Variants in XPNPEP3 observed in about 807,000 individuals in gnomAD.
XPNPEP3 encodes X-prolyl aminopeptidase 3.
In XPNPEP3, 41 loss-of-function variants were observed where a neutral mutation model predicts 60.0. The observed-to-expected ratio is 0.68, with a 90% CI of 0.53 to 0.89. The LOEUF (loss-of-function observed/expected upper bound fraction) is 0.89. XPNPEP3 is among the 40% of genes least tolerant of loss of function. The probability of loss-of-function intolerance (pLI) is 0.00; values close to 1 mark genes in which losing one functional copy is unlikely to be tolerated. For missense variants in XPNPEP3, 598 were observed against 638.9 expected (o/e 0.94, Z 0.69); for synonymous variants, 212 against 223.2 (o/e 0.95, Z 0.45).
chr22:40,930,698 T>C lies in XPNPEP3; in HGVS notation c.*4263T>C, dbSNP rs762467508. On this transcript the variant is annotated 3_prime_UTR_variant, in exon 10 of 10. Transcript: ENST00000357137. ...AATTCTCCTGCCTCAGCCTCCCTAG[T>C]AACTGGGATTACAGGCACCTGCCAC... 2.0e-5 allele frequency: 3 copies of C among 152,166 alleles called. No homozygotes were observed. Among genetic ancestry groups the C allele is most frequent in the Admixed American group, 6.6e-5 (1 of 15,256 alleles). The allele number at this position is 152,166 out of a possible 1,614,324, so 9.4% of individuals were successfully genotyped here.
At chr22:40,861,013 T>C in intron 1 of XPNPEP3, 1 of 1,511,818 alleles carries the variant, frequency 6.6e-7, no homozygotes, top group Non-Finnish European at 8.9e-7. Context: ...AATTTGTGAT[T>C]AACCAAAACA....
intron 4 of XPNPEP3, among the ~76,000 whole-genome samples, chr22:40,904,900 G>A (rs2058148725): frequency 6.6e-6 from 1 of 151,842 alleles, no homozygotes; most frequent in African/African-American, 2.4e-5. Context: ...GAGCAGCTGG[G>A]ATTACAGGTG....
chr22:40,905,530 A>G (rs1296503817), intron 4 of XPNPEP3, among the ~76,000 whole-genome samples: 1 of 152,184 alleles, frequency 6.6e-6, no homozygotes, highest in Non-Finnish European at 1.5e-5. Context: ...TGGAGGAGAG[A>G]CAGTAAGCAA....
chr22:40,884,631 G>T (rs1601500759), intron 3 of XPNPEP3, among the ~76,000 whole-genome samples: 1 of 151,558 alleles, frequency 6.6e-6, no homozygotes, highest in South Asian at 2.1e-4. Context: ...ACCGTGCCTG[G>T]CTAAAATCAT....
At position 40,926,275 on chromosome 22, in the gene XPNPEP3, A is replaced by G; in HGVS notation, c.1364A>G (p.Tyr455Cys). The G allele has an allele frequency of 6.2e-7, 1 of 1,614,132 alleles. No individual in the cohort carries two copies. Among genetic ancestry groups the G allele is most frequent in the Non-Finnish European group, 8.5e-7 (1 of 1,180,016 alleles). ...GMVITIEPGI[Y>C]IPEDDKDAPE... ...TCTTCTTTCTACTTCACAGGCATTT[A>G]TATTCCAGAGGATGACAAAGATGCC... Residue 455 changes from tyrosine (Y) to cysteine (C), a missense_variant, in exon 10 of 10, where the codon TAT becomes TGT. Physicochemically the swap from Tyr to Cys is radical, Grantham distance 194 (BLOSUM62 -2). Coordinates refer to ENST00000357137, the MANE Select transcript of XPNPEP3 (RefSeq NM_022098.4).
In XPNPEP3 at chr22:40,882,068, A is replaced by C. The variant is rs2058050345; in HGVS notation, c.480A>C (p.Arg160=). 3.1e-6 allele frequency: 5 copies of C among 1,614,036 alleles called. No homozygotes were observed. The highest frequency in any genetic ancestry group is 4.2e-6 in the Non-Finnish European group (5 of 1,180,014). ...ILFVPRRDPS[R]ELWDGPRSGT... is the part of the protein sequence containing the mutation. Reference sequence around the variant, plus strand: ...TTGTGCCTCGGCGAGATCCCAGTCGAGAACTTTGGGATGGTCCGCGATCTG... The same window carrying C: ...TTGTGCCTCGGCGAGATCCCAGTCGCGAACTTTGGGATGGTCCGCGATCTG... Residue 160 remains arginine (R), a synonymous_variant, in exon 3 of 10, where the codon CGA becomes CGC. Transcript: ENST00000357137.
At position 40,930,119 on chromosome 22, in the gene XPNPEP3, TG is replaced by T. The variant is rs1346584944; in HGVS notation, c.*3685del. On this transcript the variant is annotated 3_prime_UTR_variant, in exon 10 of 10. Coordinates refer to ENST00000357137, the MANE Select transcript of XPNPEP3 (RefSeq NM_022098.4). Reference sequence around the variant, plus strand: ...GCTTTTTTTTTTTTTAAAGGTTTTTTGTGGGGTTTTTTTGTTTTTTTTTTTT... The same window carrying T: ...GCTTTTTTTTTTTTTAAAGGTTTTTTTGGGGTTTTTTTGTTTTTTTTTTTT... 1.3e-5 allele frequency: 2 copies of T among 151,066 alleles called. No individual in the cohort carries two copies. The highest frequency in any genetic ancestry group is 4.9e-5 in the African/African-American group (2 of 41,188). 9.4% of individuals were successfully genotyped at this position (151,066 alleles called of 1,614,324 possible). A position where few individuals can be genotyped will look rare whatever the true frequency, so the allele number is the denominator to read the frequency against.
At chr22:40,861,688 C>A in intron 1 of XPNPEP3, 1 of 1,614,112 alleles carries the variant, frequency 6.2e-7, no homozygotes, top group South Asian at 1.1e-5. Flanking sequence ...GGATCCCTTT[C>A]ATGAAAAATT....
chr22:40,861,110 C>T (rs770389573), intron 1 of XPNPEP3: 2 of 1,610,658 alleles, frequency 1.2e-6, no homozygotes, highest in Admixed American at 3.4e-5. Context: ...CTTTACGCTT[C>T]TTTTTTTTCC....
At position 40,909,899 on chromosome 22, in the gene XPNPEP3, C is replaced by T. The variant is rs141470504; in HGVS notation, c.969+664C>T. On this transcript the variant is annotated intron_variant, in intron 6 of 9. Coordinates refer to ENST00000357137, the MANE Select transcript of XPNPEP3 (RefSeq NM_022098.4). Reference sequence around the variant, plus strand: ...CTCATTTCATTATAACTCTACTTCTCTGAGGACTTGCGGCAACAACAGTGA... The same window carrying T: ...CTCATTTCATTATAACTCTACTTCTTTGAGGACTTGCGGCAACAACAGTGA... 1.9e-3 allele frequency among the ~76,000 whole-genome samples: 286 copies of T among 152,100 alleles called. 3 individuals are homozygous for T. Among genetic ancestry groups the T allele is most frequent in the African/African-American group, 6.7e-3 (280 of 41,532 alleles).
intron 4 of XPNPEP3, among the ~76,000 whole-genome samples, chr22:40,889,755 A>G (rs916477302): frequency 3.3e-5 from 5 of 152,088 alleles, no homozygotes; most frequent in African/African-American, 7.2e-5. Context: ...CTTGAGCCCA[A>G]AAGTTTAAGG....
chr22:40,901,013 G>A (rs1389663071), intron 4 of XPNPEP3, among the ~76,000 whole-genome samples: 1 of 151,632 alleles, frequency 6.6e-6, no homozygotes, highest in Non-Finnish European at 1.5e-5. Context: ...TTGCATTTTG[G>A]GAGGCCAAGG....
chr22:40,861,243 G>C, intron 1 of XPNPEP3: 2 of 1,614,146 alleles, frequency 1.2e-6, no homozygotes, highest in Non-Finnish European at 1.7e-6. Flanking sequence ...GGAGCTGTGA[G>C]AATTTGGTGA....
intron 4 of XPNPEP3, among the ~76,000 whole-genome samples, chr22:40,905,998 G>A (rs533141954): frequency 1.1e-4 from 16 of 152,128 alleles, no homozygotes; most frequent in African/African-American, 3.9e-4. Flanking sequence ...TCCCTATGTT[G>A]GATAGACTGG....
At chr22:40,874,713 A>G (rs564923652) in intron 2 of XPNPEP3, among the ~76,000 whole-genome samples, 5 of 152,304 alleles carry the variant, frequency 3.3e-5, no homozygotes, top group African/African-American at 9.6e-5. Flanking sequence ...GGCATGAGCC[A>G]CCATACCCAA....
intron 5 of XPNPEP3, among the ~76,000 whole-genome samples, chr22:40,908,831 A>C (rs1034855353): frequency 6.6e-6 from 1 of 152,234 alleles, no homozygotes; most frequent in African/African-American, 2.4e-5. Flanking sequence ...TTTGAAAATT[A>C]TAAGAAATTT....
At chr22:40,925,077 C>T (rs2058230183) in intron 9 of XPNPEP3, among the ~76,000 whole-genome samples, 1 of 152,132 alleles carries the variant, frequency 6.6e-6, no homozygotes, top group Admixed American at 6.6e-5. Flanking sequence ...TAGTGGGGGG[C>T]TGCTCAAGCT....
At chr22:40,907,068 T>A (rs2058158453) in intron 4 of XPNPEP3, 3 of 456,322 alleles carry the variant, frequency 6.6e-6, no homozygotes, top group South Asian at 4.6e-5. Context: ...GGGATTAAAT[T>A]GCAACGTGAA....
chr22:40,886,042 T>C (rs2058067390), intron 3 of XPNPEP3, among the ~76,000 whole-genome samples: 1 of 152,170 alleles, frequency 6.6e-6, no homozygotes, highest in South Asian at 2.1e-4. Context: ...TAGTCCCGTA[T>C]CATCCTTTAT....
Sources: allele counts gnomAD v4.1 joint callset (sites outside exome capture counted in the v4.1 genomes callset), GRCh38; gene constraint gnomAD v4.1.1; transcripts MANE v1.5; gene names NCBI Gene and HGNC (gene_info 2026-07-23, HGNC 2026-07-21).